The following PRKG1 variants were observed in gnomAD, a reference collection of about 807,000 sequenced individuals.
The protein encoded by PRKG1 is cGMP-dependent protein kinase 1.
In PRKG1, 35 loss-of-function variants were observed where a neutral mutation model predicts 88.1. The ratio of observed to expected loss-of-function variants is 0.40; its 90% CI spans 0.30 to 0.53. The LOEUF (loss-of-function observed/expected upper bound fraction) is 0.53, where lower values mean the gene tolerates loss of function less well. Ranked by LOEUF, PRKG1 falls within the 20% of genes least tolerant of loss-of-function variation. PRKG1 has a pLI of 0.59. For missense variants in PRKG1, 540 were observed against 839.8 expected, an observed-to-expected ratio of 0.64 and a Z score of 4.41; for synonymous variants, 303 against 292.5, an observed-to-expected ratio of 1.04 and a Z score of -0.37.
At chr10:51,522,405 G>C (rs1032677444) in intron 3 of PRKG1, among the ~76,000 whole-genome samples, 2 of 152,164 alleles carry the variant, frequency 1.3e-5, no homozygotes, top group Admixed American at 6.5e-5. Flanking sequence ...TGAAGACGTT[G>C]CTTGGTAATG....
intron 3 of PRKG1, among the ~76,000 whole-genome samples, chr10:51,570,967 G>A (rs1837737849): frequency 1.3e-5 from 2 of 152,042 alleles, no homozygotes; most frequent in South Asian, 4.1e-4. Flanking sequence ...TATAACAGGT[G>A]TATAAATATA....
intron 3 of PRKG1, among the ~76,000 whole-genome samples, chr10:51,577,542 G>A (rs951583975): frequency 2.6e-5 from 4 of 151,964 alleles, no homozygotes; most frequent in African/African-American, 9.7e-5. Context: ...TATTGAAATT[G>A]CATCATGATA....
At chr10:51,854,946 G>C (rs1440777420) in intron 4 of PRKG1, among the ~76,000 whole-genome samples, 1 of 152,108 alleles carries the variant, frequency 6.6e-6, no homozygotes, top group African/African-American at 2.4e-5. Context: ...GAACTGGGAA[G>C]GGTGGAGGAA....
intron 2 of PRKG1, among the ~76,000 whole-genome samples, chr10:51,408,093 G>T (rs1837974912): frequency 6.6e-6 from 1 of 152,162 alleles, no homozygotes; most frequent in Non-Finnish European, 1.5e-5. Context: ...GATGGTAAGT[G>T]GTGCCACTTC....
Position 52,098,093 on chromosome 10 carries a change from A to C in PRKG1, c.935+35462A>C, listed in dbSNP as rs189442641. Among the ~76,000 whole-genome samples, 492 of 152,312 alleles carry C rather than the reference A, an allele frequency of 3.2e-3. 2 individuals are homozygous for C. Among genetic ancestry groups the C allele is most frequent in the African/African-American group, 0.011 (464 of 41,578 alleles). On this transcript the variant is annotated intron_variant, in intron 7 of 17. Coordinates refer to ENST00000373980, the MANE Select transcript of PRKG1 (RefSeq NM_006258.4). ...AAGTTCCATGCAGTTGCAAAGTTAA[A>C]AGGAAGAAAATGTTACAGTAGGTTA...
intron 5 of PRKG1, among the ~76,000 whole-genome samples, chr10:51,933,084 A>G (rs1842728635): frequency 6.6e-6 from 1 of 152,092 alleles, no homozygotes; most frequent in Non-Finnish European, 1.5e-5. Context: ...TGTGATAATC[A>G]TGATTTCCAA....
At chr10:51,993,782 G>A (rs1844370344) in intron 5 of PRKG1, among the ~76,000 whole-genome samples, 1 of 152,108 alleles carries the variant, frequency 6.6e-6, no homozygotes, top group Admixed American at 6.5e-5. Flanking sequence ...ACAATTGTCA[G>A]GTTGACTTCA....
intron 5 of PRKG1, among the ~76,000 whole-genome samples, chr10:52,027,138 T>C (rs1845361833): frequency 6.6e-6 from 1 of 152,170 alleles, no homozygotes; most frequent in Admixed American, 6.5e-5. Context: ...GCAACTCATA[T>C]GGTCTGCGTT....
At chr10:51,105,926 A>G (rs1422243743) in intron 1 of PRKG1, among the ~76,000 whole-genome samples, 1 of 152,226 alleles carries the variant, frequency 6.6e-6, no homozygotes, top group Admixed American at 6.5e-5. Flanking sequence ...ATTTTGTGTA[A>G]CAGACAATTC....
chr10:51,344,605 G>A (rs1043958200), intron 2 of PRKG1, among the ~76,000 whole-genome samples: 1 of 152,190 alleles, frequency 6.6e-6, no homozygotes, highest in African/African-American at 2.4e-5. Flanking sequence ...CAAGATGACT[G>A]TAGAGATGAT....
intron 7 of PRKG1, among the ~76,000 whole-genome samples, chr10:52,075,201 G>A (rs559596012): frequency 1.3e-5 from 2 of 152,272 alleles, no homozygotes; most frequent in East Asian, 1.9e-4. Flanking sequence ...CTAGGGAGTA[G>A]TTACAGATAA....
intron 2 of PRKG1, among the ~76,000 whole-genome samples, chr10:51,299,036 C>CCAT (rs934690027): frequency 1.3e-4 from 20 of 152,254 alleles, no homozygotes; most frequent in African/African-American, 4.6e-4. Flanking sequence ...GACCATTACT[C>CCAT]CATCTGTCAT....
At chr10:51,990,543 T>G (rs1385524409) in intron 5 of PRKG1, among the ~76,000 whole-genome samples, 2 of 152,136 alleles carry the variant, frequency 1.3e-5, no homozygotes, top group East Asian at 3.9e-4. Context: ...AATTTTATAA[T>G]CTTTCAGGTA....
At chr10:52,151,018 T>A (rs1193110621) in intron 8 of PRKG1, among the ~76,000 whole-genome samples, 1 of 15,472 alleles carries the variant, frequency 6.5e-5, no homozygotes, top group Non-Finnish European at 2.4e-4. Flanking sequence ...TTGATAGGAT[T>A]TTTTTGCCAA....
chr10:51,474,281 A>C (rs1477353611), intron 3 of PRKG1, among the ~76,000 whole-genome samples: 1 of 151,936 alleles, frequency 6.6e-6, no homozygotes, highest in East Asian at 1.9e-4. Context: ...CAAGCTTTTA[A>C]ATTTTGCCTG....
chr10:51,807,199 C>T (rs948909079), intron 4 of PRKG1, among the ~76,000 whole-genome samples: 12 of 152,138 alleles, frequency 7.9e-5, no homozygotes, highest in African/African-American at 2.9e-4. Context: ...AGTACAGAGC[C>T]AGTACATAAT....
At chr10:51,933,592 C>T (rs969403735) in intron 5 of PRKG1, among the ~76,000 whole-genome samples, 1 of 151,308 alleles carries the variant, frequency 6.6e-6, no homozygotes, top group African/African-American at 2.4e-5. Context: ...TTAGAATCTC[C>T]TAATTCTAGT....
intron 4 of PRKG1, among the ~76,000 whole-genome samples, chr10:51,898,583 C>T (rs1438977820): frequency 1.3e-5 from 2 of 152,052 alleles, no homozygotes; most frequent in African/African-American, 2.4e-5. Flanking sequence ...GCCTATAACT[C>T]CAACAGTTTG....
chr10:51,581,160 T>G (rs1838024172), intron 3 of PRKG1, among the ~76,000 whole-genome samples: 1 of 152,138 alleles, frequency 6.6e-6, no homozygotes, highest in Admixed American at 6.6e-5. Flanking sequence ...AAGTAATTCT[T>G]TAACATAACA....
Sources: gnomAD v4.1 joint callset for allele counts (sites outside exome capture counted in the v4.1 genomes callset) on GRCh38, gnomAD v4.1.1 for gene constraint, MANE v1.5 for transcripts, NCBI Gene and HGNC (gene_info 2026-07-23, HGNC 2026-07-21) for gene names.